WDPCP: variants seen among roughly 807,000 people sequenced by gnomAD.
The protein encoded by WDPCP is WD repeat containing planar cell polarity effector, also known as WD repeat-containing and planar cell polarity effector protein fritz homolog.
WDPCP carries 71 observed loss-of-function variants against 93.1 expected under a neutral mutation model. The ratio of observed to expected loss-of-function variants is 0.76; its 90% CI spans 0.63 to 0.93. The LOEUF is 0.93. Ranked by LOEUF, WDPCP falls within the 40% of genes least tolerant of loss-of-function variation. The pLI, the probability that WDPCP is intolerant of heterozygous loss-of-function variation, is 0.00. For missense variants in WDPCP, 844 were observed against 887.4 expected, an observed-to-expected ratio of 0.95 and a Z score of 0.62; for synonymous variants, 315 against 315.0, an observed-to-expected ratio of 1.00 and a Z score of 0.00.
intron 14 of WDPCP, among the ~76,000 whole-genome samples, chr2:63,181,623 A>G (rs570140935): frequency 6.6e-6 from 1 of 152,158 alleles, no homozygotes; most frequent in Admixed American, 6.5e-5. Flanking sequence ...AAGTCAGGTA[A>G]TGTGATGCCT....
intron 2 of WDPCP, among the ~76,000 whole-genome samples, chr2:63,725,438 G>A (rs1669484042): frequency 6.6e-6 from 1 of 152,088 alleles, no homozygotes; most frequent in Admixed American, 6.6e-5. Context: ...TCTTTATCCA[G>A]TCCAACACTG....
At position 63,245,827 on chromosome 2, in the gene WDPCP, C is replaced by T. The variant is rs113661933; in HGVS notation, c.1915+13480G>A. On this transcript the variant is annotated intron_variant, in intron 14 of 17. Transcript: ENST00000272321. ...TATATTTATGGGTACATGTGATGTT[C>T]GATATAGGGATAAAATATGTAATAA... Among the ~76,000 whole-genome samples, 1,479 of 152,062 alleles carry T rather than the reference C, an allele frequency of 9.7e-3. 9 individuals carry two copies. The highest frequency in any genetic ancestry group is 0.014 in the Non-Finnish European group (948 of 67,980).
In WDPCP at chr2:63,787,080, T is replaced by TA. The variant is rs138482438; in HGVS notation, n.308+26541dup. Reference sequence around the variant, plus strand: ...CTATGAGTAAATCTGCCTTGACATTTAAAAAAATTATATAAACTAGGATAC... The same window carrying TA: ...CTATGAGTAAATCTGCCTTGACATTTAAAAAAAATTATATAAACTAGGATAC... On this transcript the variant is annotated intron_variant and non_coding_transcript_variant, in intron 2 of 4. Coordinates refer to the WDPCP transcript ENST00000467687. Among the ~76,000 whole-genome samples, 649 of 152,280 alleles carry TA rather than the reference T, an allele frequency of 4.3e-3. 6 individuals carry two copies. The highest frequency in any genetic ancestry group is 0.014 in the African/African-American group (596 of 41,562).
At chr2:63,189,070 T>G (rs1674849541) in intron 14 of WDPCP, among the ~76,000 whole-genome samples, 1 of 152,198 alleles carries the variant, frequency 6.6e-6, no homozygotes, top group South Asian at 2.1e-4. Context: ...TCTTCTTTCC[T>G]GTGTCTTCGC....
At chr2:63,667,310 C>G (rs1256962191) in intron 2 of WDPCP, among the ~76,000 whole-genome samples, 1 of 152,162 alleles carries the variant, frequency 6.6e-6, no homozygotes, top group Non-Finnish European at 1.5e-5. Context: ...GGTTTGTCCT[C>G]TAGGGCAGAA....
rs774995085 is a variant in WDPCP, at chr2:63,433,783, TGGCTCTGTCCTTCTCAGAAGAAATGGG to T, written c.760_786del (p.Pro254_Ala262del). The T allele has an allele frequency of 4.3e-4, 696 of 1,613,558 alleles. 2 individuals are homozygous for T. Among genetic ancestry groups the T allele is most frequent in the Non-Finnish European group, 5.6e-4 (665 of 1,179,754 alleles). On this transcript the variant is annotated inframe_deletion, in exon 9 of 18. Coordinates refer to ENST00000272321, the MANE Select transcript of WDPCP (RefSeq NM_015910.7). The stretch of plus-strand genomic sequence containing the variant: ...TGAGCATAACCCAGGAGGAGTAGAT[TGGCTCTGTCCTTCTCAGAAGAAATGGG>T]GGCCCAAGGCCAAGCATCATCGTTG...
intron 1 of WDPCP, among the ~76,000 whole-genome samples, chr2:63,572,790 T>A (rs1019048639): frequency 1.3e-5 from 2 of 150,520 alleles, no homozygotes; most frequent in Non-Finnish European, 1.5e-5. Context: ...ATGAGAAATT[T>A]GTAAAAATAA....
chr2:63,642,308 T>C (rs71422391), intron 3 of WDPCP: 2 of 152,168 alleles, frequency 1.3e-5, no homozygotes, highest in East Asian at 3.8e-4. Context: ...GTTTTTGTGG[T>C]TTATATACAT....
chr2:63,134,105 C>T (rs1228134143), intron 17 of WDPCP, among the ~76,000 whole-genome samples: 1 of 152,078 alleles, frequency 6.6e-6, no homozygotes, highest in African/African-American at 2.4e-5. Context: ...TATGTGGTTT[C>T]CTTACTGCAT....
intron 14 of WDPCP, chr2:63,232,729 C>G (rs1379206547): frequency 6.5e-6 from 1 of 152,840 alleles, no homozygotes; most frequent in Non-Finnish European, 1.5e-5. Flanking sequence ...TAAGCTTAAC[C>G]TTTTTCATAT....
At chr2:63,356,575 T>G (rs1690034438) in intron 12 of WDPCP, among the ~76,000 whole-genome samples, 1 of 152,060 alleles carries the variant, frequency 6.6e-6, no homozygotes, top group Admixed American at 6.6e-5. Context: ...CCAAACACAC[T>G]CCTGGACCAC....
At chr2:63,135,839 C>CTCCT (rs1455977416) in intron 17 of WDPCP, among the ~76,000 whole-genome samples, 2 of 152,150 alleles carry the variant, frequency 1.3e-5, no homozygotes, top group African/African-American at 4.8e-5. Context: ...TCAGGCAATG[C>CTCCT]TCCTGCCTCA....
intron 9 of WDPCP, among the ~76,000 whole-genome samples, chr2:63,419,986 C>A (rs1695721812): frequency 6.6e-6 from 1 of 152,120 alleles, no homozygotes; most frequent in African/African-American, 2.4e-5. Context: ...AGCTTATCAG[C>A]AGAATTTTTT....
chr2:63,509,164 A>G (rs1399129087), intron 1 of WDPCP, among the ~76,000 whole-genome samples: 1 of 152,198 alleles, frequency 6.6e-6, no homozygotes, highest in African/African-American at 2.4e-5. Context: ...TTATTCTAAA[A>G]TTAACCACAT....
chr2:63,623,179 T>G (rs1709768605), intron 3 of WDPCP, among the ~76,000 whole-genome samples: 1 of 152,178 alleles, frequency 6.6e-6, no homozygotes, highest in Non-Finnish European at 1.5e-5. Context: ...CAAGAGCTCC[T>G]GAAGGAAGCA....
At chr2:63,322,191 AG>A (rs1002169277) in intron 12 of WDPCP, among the ~76,000 whole-genome samples, 1 of 152,164 alleles carries the variant, frequency 6.6e-6, no homozygotes, top group African/African-American at 2.4e-5. Context: ...GTCTAGCTAA[AG>A]GTTTGTAAAT....
At chr2:63,122,998 A>G (rs1206021516) in intron 17 of WDPCP, among the ~76,000 whole-genome samples, 2 of 151,872 alleles carry the variant, frequency 1.3e-5, no homozygotes, top group African/African-American at 4.8e-5. Context: ...AAATAAGGGC[A>G]ACACATGTAT....
chr2:63,516,954 G>A (rs1702593083), intron 1 of WDPCP, among the ~76,000 whole-genome samples: 1 of 152,026 alleles, frequency 6.6e-6, no homozygotes, highest in Non-Finnish European at 1.5e-5. Flanking sequence ...TAGGGAAGAA[G>A]GTGGGAGAAA....
intron 14 of WDPCP, among the ~76,000 whole-genome samples, chr2:63,248,522 T>C (rs947723639): frequency 6.6e-6 from 1 of 152,144 alleles, no homozygotes; most frequent in African/African-American, 2.4e-5. Flanking sequence ...TTTCTGATCC[T>C]TTCTCTGTTC....
Sources: gnomAD v4.1 joint callset for allele counts (sites outside exome capture counted in the v4.1 genomes callset) on GRCh38, gnomAD v4.1.1 for gene constraint, MANE v1.5 for transcripts, NCBI Gene and HGNC (gene_info 2026-07-23, HGNC 2026-07-21) for gene names.